Variants in PDE1C observed in about 807,000 individuals in gnomAD.
PDE1C encodes the protein phosphodiesterase 1C.
A neutral mutation model predicts 93.1 loss-of-function variants in PDE1C; 62 were observed. That is an observed-to-expected ratio of 0.67 (90% confidence interval 0.54 to 0.82). The LOEUF (loss-of-function observed/expected upper bound fraction) is 0.82, where lower values mean the gene tolerates loss of function less well. Ranked by LOEUF, PDE1C falls within the 40% of genes least tolerant of loss-of-function variation. The probability of loss-of-function intolerance (pLI) is 0.00; values close to 1 mark genes in which losing one functional copy is unlikely to be tolerated. For missense variants in PDE1C, 742 were observed against 884.6 expected (o/e 0.84, Z 2.04); for synonymous variants, 325 against 310.1 (o/e 1.05, Z -0.50).
the PDE1C span, chr7:31,643,866 C>G: frequency 6.2e-7 from 1 of 1,613,906 alleles, no homozygotes; most frequent in Non-Finnish European, 8.5e-7. Context: ...GTAGGCACTG[C>G]CTGTGTTCAC....
At chr7:32,076,755 G>GC (rs1190013444) in intron 3 of PDE1C, among the ~76,000 whole-genome samples, 1 of 151,886 alleles carries the variant, frequency 6.6e-6, no homozygotes, top group African/African-American at 2.4e-5. Context: ...GGTCCATTGA[G>GC]CCCCCTGATC....
At chr7:32,263,434 TTAAGA>T (rs1256776058) in intron 1 of PDE1C, among the ~76,000 whole-genome samples, 3 of 152,158 alleles carry the variant, frequency 2.0e-5, no homozygotes, top group Non-Finnish European at 1.5e-5. Flanking sequence ...CTGAACCATG[TTAAGA>T]TAAGTTACAT....
intron 2 of PDE1C, among the ~76,000 whole-genome samples, chr7:31,932,514 G>A (rs1000815853): frequency 1.1e-4 from 16 of 152,172 alleles, no homozygotes; most frequent in South Asian, 6.2e-4. Flanking sequence ...ACCACAATGA[G>A]ATACCATCTC....
chr7:31,651,940 G>A, the PDE1C span: 2 of 1,588,418 alleles, frequency 1.3e-6, no homozygotes, highest in Non-Finnish European at 1.7e-6. Flanking sequence ...TACTTGCAGG[G>A]AGGAGGCCGA....
chr7:31,699,022 C>T, the PDE1C span, among the ~76,000 whole-genome samples: 1 of 152,122 alleles, frequency 6.6e-6, no homozygotes, highest in Non-Finnish European at 1.5e-5. Flanking sequence ...GGAAAACAAA[C>T]CCCAAAGAAA....
chr7:31,990,577 TA>T (rs534395438), intron 2 of PDE1C, among the ~76,000 whole-genome samples: 2 of 152,136 alleles, frequency 1.3e-5, no homozygotes, highest in African/African-American at 4.8e-5. Context: ...GGGTTCGATT[TA>T]AAAAAACAAA....
At chr7:32,147,223 C>T (rs1286774421) in intron 3 of PDE1C, among the ~76,000 whole-genome samples, 2 of 123,162 alleles carry the variant, frequency 1.6e-5, no homozygotes, top group African/African-American at 3.3e-5. Flanking sequence ...TTAGTGTGAG[C>T]TCATTTGGTA....
intron 1 of PDE1C, among the ~76,000 whole-genome samples, chr7:32,059,752 C>A (rs913730772): frequency 2.0e-5 from 3 of 152,116 alleles, no homozygotes; most frequent in African/African-American, 7.2e-5. Context: ...TTGCTCAAAG[C>A]TGGGCAATGA....
chr7:31,626,629 GAC>G, the PDE1C span, among the ~76,000 whole-genome samples: 36 of 152,250 alleles, frequency 2.4e-4, no homozygotes, highest in African/African-American at 8.4e-4. Context: ...AACAGTTTTT[GAC>G]ATGTCGGTGA....
intron 1 of PDE1C, among the ~76,000 whole-genome samples, chr7:32,067,657 C>A (rs1275271700): frequency 1.3e-5 from 2 of 152,206 alleles, no homozygotes; most frequent in African/African-American, 4.8e-5. Flanking sequence ...GGCCACAACT[C>A]TGCCACACAT....
At chr7:32,246,798 T>C (rs888179862) in intron 1 of PDE1C, among the ~76,000 whole-genome samples, 8 of 152,230 alleles carry the variant, frequency 5.3e-5, no homozygotes, top group Non-Finnish European at 1.2e-4. Flanking sequence ...GTAAGACTGT[T>C]ATGAGAACAA....
chr7:32,132,476 A>G (rs1009231150), intron 3 of PDE1C, among the ~76,000 whole-genome samples: 3 of 152,054 alleles, frequency 2.0e-5, no homozygotes, highest in African/African-American at 7.2e-5. Flanking sequence ...CCTGGGCAAC[A>G]TAGTGAAACC....
chr7:32,171,711 G>T (rs1486009078), intron 2 of PDE1C, among the ~76,000 whole-genome samples: 1 of 150,902 alleles, frequency 6.6e-6, no homozygotes, highest in Non-Finnish European at 1.5e-5. Flanking sequence ...TATATGGGAG[G>T]ATGTGCATAA....
At chr7:32,162,056 T>C (rs1249929998) in intron 3 of PDE1C, among the ~76,000 whole-genome samples, 1 of 152,174 alleles carries the variant, frequency 6.6e-6, no homozygotes, top group East Asian at 1.9e-4. Context: ...AGACCTTCTG[T>C]ATGAAGGTCA....
At chr7:32,192,081 A>T (rs1804275768) in intron 2 of PDE1C, among the ~76,000 whole-genome samples, 1 of 151,854 alleles carries the variant, frequency 6.6e-6, no homozygotes, top group African/African-American at 2.4e-5. Context: ...TTTACTGTTG[A>T]GTTTTGAGAA....
chr7:31,923,279 C>T (rs1583988272), intron 2 of PDE1C, among the ~76,000 whole-genome samples: 1 of 152,138 alleles, frequency 6.6e-6, no homozygotes. Flanking sequence ...TTTTCAACCC[C>T]AGCTGCATGT....
chr7:32,400,829 G>T (rs954194142), intron 1 of PDE1C, among the ~76,000 whole-genome samples: 1 of 152,206 alleles, frequency 6.6e-6, no homozygotes, highest in Admixed American at 6.5e-5. Context: ...AATACAGAAG[G>T]TTCCCTTCCT....
chr7:32,088,500 A>C (rs1000041876), intron 3 of PDE1C, among the ~76,000 whole-genome samples: 5 of 152,266 alleles, frequency 3.3e-5, no homozygotes, highest in Non-Finnish European at 7.3e-5. Context: ...TAGTCCGCCA[A>C]GGCGGCCGGA....
chr7:31,706,041 G>T, the PDE1C span, among the ~76,000 whole-genome samples: 20 of 105,454 alleles, frequency 1.9e-4, no homozygotes, highest in Non-Finnish European at 2.6e-4. Flanking sequence ...GTCTTGCTCT[G>T]TTGCCCAGGC....
Sources: allele counts gnomAD v4.1 joint callset (sites outside exome capture counted in the v4.1 genomes callset), GRCh38; gene constraint gnomAD v4.1.1; transcripts MANE v1.5; gene names NCBI Gene and HGNC (gene_info 2026-07-23, HGNC 2026-07-21).